ASTE1: variants seen among roughly 807,000 people sequenced by gnomAD.
ASTE1 encodes the protein asteroid structure-specific endonuclease 1.
Under a neutral mutation model 45.8 loss-of-function variants are expected in ASTE1, and 49 were observed. The ratio of observed to expected loss-of-function variants is 1.07; its 90% CI spans 0.85 to 1.36. ASTE1 has a LOEUF of 1.36. ASTE1 is among the 40% of genes most tolerant of loss of function. ASTE1 has a pLI of 0.00. For missense variants in ASTE1, 709 were observed against 804.0 expected, an observed-to-expected ratio of 0.88 and a Z score of 1.43; for synonymous variants, 296 against 303.9, an observed-to-expected ratio of 0.97 and a Z score of 0.27.
chr3:131,021,540 G>A (rs1475546100), intron 3 of ASTE1, among the ~76,000 whole-genome samples: 1 of 152,194 alleles, frequency 6.6e-6, no homozygotes, highest in Non-Finnish European at 1.5e-5. Flanking sequence ...TGCAGAGCGA[G>A]TGACTGGAAC....
chr3:131,016,754 G>C, intron 4 of ASTE1: 4 of 331,406 alleles, frequency 1.2e-5, no homozygotes, highest in Non-Finnish European at 2.3e-5. Flanking sequence ...AACAACCTGT[G>C]TGTTCAAAAC....
chr3:131,022,061 T>C (rs568902661), intron 3 of ASTE1, among the ~76,000 whole-genome samples: 1 of 152,170 alleles, frequency 6.6e-6, no homozygotes, highest in Non-Finnish European at 1.5e-5. Context: ...CCAAGCATTA[T>C]AAAAATGACT....
chr3:131,023,201 C>T (rs563750938), intron 3 of ASTE1, among the ~76,000 whole-genome samples: 29 of 152,176 alleles, frequency 1.9e-4, no homozygotes, highest in African/African-American at 5.8e-4. Context: ...ACTGGTGCCA[C>T]GTGTGGTCTG....
chr3:131,018,846 GA>G (rs901391433), intron 3 of ASTE1, 130 bp from the exon 4 acceptor site: 15 of 900,506 alleles, frequency 1.7e-5, no homozygotes, highest in Admixed American at 2.7e-5. Context: ...CTTCTTGTGG[GA>G]AAAAAAATCA....
chr3:131,023,541 A>G (rs1341987483), intron 3 of ASTE1, among the ~76,000 whole-genome samples: 1 of 152,228 alleles, frequency 6.6e-6, no homozygotes, highest in African/African-American at 2.4e-5. Context: ...GTATTCATTA[A>G]TAAAAGTTAA....
intron 1 of ASTE1, 90 bp from the exon 2 acceptor site, chr3:131,025,684 T>C (rs2063836370): frequency 5.2e-6 from 1 of 192,922 alleles, no homozygotes; most frequent in South Asian, 1.5e-4. Context: ...GTCAACATCT[T>C]ACAGCACAGA....
intron 3 of ASTE1, among the ~76,000 whole-genome samples, 188 bp from the exon 4 acceptor site, chr3:131,018,904 T>C (rs753615101): frequency 2.0e-5 from 3 of 152,168 alleles, no homozygotes; most frequent in Non-Finnish European, 2.9e-5. Context: ...TTTATAAATA[T>C]GGTTGGTTGA....
Position 131,024,181 on chromosome 3 carries a change from T to C in ASTE1, c.1126A>G (p.Ile376Val). 6.2e-7 allele frequency: 1 copy of C among 1,614,168 alleles called. No individual in the cohort carries two copies. The highest frequency in any genetic ancestry group is 8.5e-7 in the Non-Finnish European group (1 of 1,179,992). Residue 376 changes from isoleucine (I) to valine (V), a missense_variant, in exon 3 of 6, where the codon ATC becomes GTC. Transcript: ENST00000264992. ...GAGGCATTTAAAAGAAGCCCATAGA[T>C]GATTTGCCTGATGGGCTGAGATATT... ...HRISQPIRQI[I>V]YGLLLNASPH... is the part of the protein sequence containing the mutation.
chr3:131,019,279 C>T (rs913444960), intron 3 of ASTE1, among the ~76,000 whole-genome samples: 4 of 152,150 alleles, frequency 2.6e-5, no homozygotes. Flanking sequence ...GTCTCATGTC[C>T]CTTCCCTGTT....
At chr3:131,018,835 T>C (rs17282320) in intron 3 of ASTE1, 119 bp from the exon 4 acceptor site, 54,710 of 992,826 alleles carry the variant, frequency 0.055, 1,908 homozygotes, top group South Asian at 0.086. Context: ...GTTAAACTTA[T>C]CTTCTTGTGG....
At chr3:131,016,492 A>G (rs1346385151) in intron 4 of ASTE1, 153 bp from the exon 5 acceptor site, 2 of 797,650 alleles carry the variant, frequency 2.5e-6, no homozygotes, top group African/African-American at 3.5e-5. Flanking sequence ...GCCTTGCTGT[A>G]TAAATTGAAA....
chr3:131,014,356 A>T lies in ASTE1; in HGVS notation c.1741T>A (p.Cys581Ser), dbSNP rs145482328. 1.2e-3 allele frequency: 1,940 copies of T among 1,609,350 alleles called. 1 individual carries two copies. The highest frequency in any genetic ancestry group is 1.5e-3 in the Non-Finnish European group (1,784 of 1,178,304). The change falls in exon 6 of 6, where the codon TGC becomes AGC. Residue 581 changes from cysteine (C) to serine (S), a missense_variant. Cys to Ser is a moderately radical substitution (Grantham distance 112). Transcript: ENST00000264992. ...LYSGSLVHGL[C>S]QQLLASTSVE... is the part of the protein sequence containing the mutation. ...GAGGTCGATGCTAGCAGTTGCTGGC[A>T]TAGTCCGTGCACCAGGCTTCCACTG...
chr3:131,019,681 CT>C (rs1173742038), intron 3 of ASTE1, among the ~76,000 whole-genome samples: 1 of 152,130 alleles, frequency 6.6e-6, no homozygotes, highest in Non-Finnish European at 1.5e-5. Context: ...AGATTTTCTG[CT>C]TTCTGGAAAG....
chr3:131,018,933 C>A (rs971031964), intron 3 of ASTE1, among the ~76,000 whole-genome samples: 2 of 152,138 alleles, frequency 1.3e-5, no homozygotes, highest in African/African-American at 4.8e-5. Context: ...ACTGCCTACT[C>A]CTACACCTTT....
chr3:131,017,433 G>A (rs2063667816), intron 4 of ASTE1, among the ~76,000 whole-genome samples: 1 of 152,228 alleles, frequency 6.6e-6, no homozygotes, highest in Non-Finnish European at 1.5e-5. Context: ...CACTTGAAGT[G>A]TGGCTAGTGT....
chr3:131,016,858 G>A (rs903729095), intron 4 of ASTE1: 2 of 572,604 alleles, frequency 3.5e-6, no homozygotes, highest in Non-Finnish European at 5.3e-6. Context: ...GAGGATAAGG[G>A]GCAAGAAGCA....
intron 3 of ASTE1, among the ~76,000 whole-genome samples, chr3:131,022,487 A>AT (rs773197171): frequency 1.8e-3 from 259 of 140,998 alleles, no homozygotes; most frequent in Middle Eastern, 0.015. Context: ...CTGGCAAAAA[A>AT]TTTTTTTTTT....
Position 131,024,567 on chromosome 3 carries a change from C to T in ASTE1, c.740G>A (p.Ser247Asn), listed in dbSNP as rs769928130. Residue 247 changes from serine (S) to asparagine (N), a missense_variant, in exon 3 of 6, where the codon AGT becomes AAT. Transcript: ENST00000264992. ...SKARLPLGATSSKGRRHHRIL... is the reference protein window; with the variant it reads ...SKARLPLGATNSKGRRHHRIL... ...TCGGTGGTGTCTCCTCCCTTTAGAA[C>T]TGGTAGCTCCAAGAGGAAGACGCGC... is the stretch of plus-strand genomic sequence containing the variant. 1.6e-5 allele frequency: 26 copies of T among 1,613,666 alleles called. No homozygotes were observed. Among genetic ancestry groups the T allele is most frequent in the Middle Eastern group, 1.6e-4 (1 of 6,084 alleles).
In ASTE1 at chr3:131,024,209, G is replaced by T. The variant is rs566435245; in HGVS notation, c.1098C>A (p.His366Gln). The T allele has an allele frequency of 1.9e-6, 3 of 1,614,208 alleles. No individual in the cohort carries two copies. Among genetic ancestry groups the T allele is most frequent in the Admixed American group, 3.3e-5 (2 of 60,034 alleles). ...QVENMQQPNA[H>Q]RISQPIRQII... is the part of the protein sequence containing the mutation. The stretch of plus-strand genomic sequence containing the variant: ...TTTGCCTGATGGGCTGAGATATTCT[G>T]TGGGCATTTGGTTGCTGCATGTTTT... Residue 366 changes from histidine to glutamine, a missense_variant, in exon 3 of 6, where the codon CAC (histidine) becomes CAA (glutamine). Coordinates refer to ENST00000264992, the MANE Select transcript of ASTE1 (RefSeq NM_014065.4).
Sources: allele counts gnomAD v4.1 joint callset (sites outside exome capture counted in the v4.1 genomes callset), GRCh38; gene constraint gnomAD v4.1.1; transcripts MANE v1.5; gene names NCBI Gene and HGNC (gene_info 2026-07-23, HGNC 2026-07-21).